Variants in PDE4D observed in about 807,000 individuals in gnomAD.
PDE4D encodes the protein phosphodiesterase 4D, also known as 3',5'-cyclic-AMP phosphodiesterase 4D.
In PDE4D, 24 loss-of-function variants were observed where a neutral mutation model predicts 87.4. The ratio of observed to expected loss-of-function variants is 0.27; its 90% CI spans 0.20 to 0.39. The LOEUF (loss-of-function observed/expected upper bound fraction) is 0.39. Ranked by LOEUF, PDE4D falls within the 10% of genes least tolerant of loss-of-function variation. The pLI, the probability that PDE4D is intolerant of heterozygous loss-of-function variation, is 1.00. For synonymous variants in PDE4D, 384 were observed against 383.2 expected (o/e 1.00, Z -0.02); for missense variants, 714 against 1,041.0 (o/e 0.69, Z 4.32).
chr5:59,234,524 A>G (rs1311191098), intron 1 of PDE4D, among the ~76,000 whole-genome samples: 1 of 152,194 alleles, frequency 6.6e-6, no homozygotes, highest in African/African-American at 2.4e-5. Flanking sequence ...TCCTAGTAGC[A>G]ATTGTAATTC....
At chr5:60,080,640 T>C (rs1685851755) in intron 2 of PDE4D, among the ~76,000 whole-genome samples, 1 of 152,234 alleles carries the variant, frequency 6.6e-6, no homozygotes, top group African/African-American at 2.4e-5. Context: ...GAGATAATCA[T>C]GTGGTTCTTG....
chr5:60,192,109 AT>A (rs1489687800), intron 1 of PDE4D, among the ~76,000 whole-genome samples: 3 of 152,206 alleles, frequency 2.0e-5, no homozygotes, highest in Non-Finnish European at 4.4e-5. Flanking sequence ...TATGTTAAAA[AT>A]TAGAGGTATA....
chr5:59,518,583 T>C (rs1052241452), intron 1 of PDE4D, among the ~76,000 whole-genome samples: 13 of 152,052 alleles, frequency 8.5e-5, no homozygotes, highest in African/African-American at 2.9e-4. Flanking sequence ...GTTCAACCCA[T>C]GATAGTGTAC....
At chr5:59,015,480 T>A (rs1301521918) in intron 6 of PDE4D, among the ~76,000 whole-genome samples, 1 of 152,018 alleles carries the variant, frequency 6.6e-6, no homozygotes, top group Non-Finnish European at 1.5e-5. Context: ...AACAGACACT[T>A]CTCAAAAGAA....
chr5:60,384,342 G>A (rs1399220188), intron 1 of PDE4D, among the ~76,000 whole-genome samples: 1 of 152,160 alleles, frequency 6.6e-6, no homozygotes, highest in Non-Finnish European at 1.5e-5. Flanking sequence ...CCTGTCCTAG[G>A]CAATTATTGG....
chr5:59,590,968 A>T (rs1825845003), intron 1 of PDE4D, among the ~76,000 whole-genome samples: 1 of 152,162 alleles, frequency 6.6e-6, no homozygotes, highest in Non-Finnish European at 1.5e-5. Flanking sequence ...TTATGCTCAT[A>T]AGAGTGAAGG....
intron 5 of PDE4D, among the ~76,000 whole-genome samples, chr5:59,081,223 GA>G (rs1208065513): frequency 6.6e-6 from 1 of 151,992 alleles, no homozygotes; most frequent in Non-Finnish European, 1.5e-5. Flanking sequence ...GATAGTGTGG[GA>G]GCCAAATAAT....
chr5:59,551,224 T>C (rs1818060159), intron 1 of PDE4D, among the ~76,000 whole-genome samples: 1 of 151,392 alleles, frequency 6.6e-6, no homozygotes, highest in South Asian at 2.1e-4. Context: ...ATACTCATTT[T>C]TATTTTATTT....
intron 5 of PDE4D, among the ~76,000 whole-genome samples, chr5:59,062,704 T>TG (rs930580614): frequency 4.7e-5 from 1 of 21,088 alleles, no homozygotes; most frequent in African/African-American, 1.0e-4. Flanking sequence ...ATGCATGTGG[T>TG]TTTTTTTTTT....
chr5:59,223,258 G>A (rs368995471), intron 1 of PDE4D, among the ~76,000 whole-genome samples: 1 of 152,196 alleles, frequency 6.6e-6, no homozygotes, highest in African/African-American at 2.4e-5. Flanking sequence ...CTACCAGGAA[G>A]TGTGGAAGGC....
intron 3 of PDE4D, among the ~76,000 whole-genome samples, chr5:59,928,526 C>G (rs1197771460): frequency 2.6e-5 from 4 of 151,772 alleles, no homozygotes; most frequent in Non-Finnish European, 5.9e-5. Flanking sequence ...CGCAGTGAGC[C>G]GAGATTGTGC....
In PDE4D at chr5:60,195,932, A is replaced by G. The variant is rs188854076; in HGVS notation, c.-89-10245T>C. On this transcript the variant is annotated intron_variant, in intron 1 of 16. Transcript: ENST00000502484. ...AAAGTAGACATTGACGGTTCTTTTC[A>G]TCTCCTTTGTGCATCTAGTCAGAAC... Among the ~76,000 whole-genome samples the G allele has an allele frequency of 9.5e-4, 144 of 151,864 alleles. 3 individuals carry two copies. The highest frequency in any genetic ancestry group is 3.4e-3 in the Middle Eastern group (1 of 294).
In PDE4D at chr5:59,457,211, C is replaced by T. The variant is rs566819370; in HGVS notation, c.456-241243G>A. ...ATTGTTGCCTGGTTTTAAGAAATTG[C>T]TACAGCTTCTCTGACCTTCAGCAAC... On this transcript the variant is annotated intron_variant, in intron 1 of 14. Coordinates refer to ENST00000340635, the MANE Select transcript of PDE4D (RefSeq NM_001104631.2). 3.9e-5 allele frequency among the ~76,000 whole-genome samples: 6 copies of T among 152,264 alleles called. No individual in the cohort carries two copies. In the East Asian group the frequency reaches 1.2e-3, roughly 29 times the overall value.
intron 1 of PDE4D, among the ~76,000 whole-genome samples, chr5:60,395,032 C>T (rs1358514687): frequency 6.6e-6 from 1 of 152,168 alleles, no homozygotes; most frequent in African/African-American, 2.4e-5. Flanking sequence ...CCTAAAGTGA[C>T]CCACCCGAGC....
chr5:60,304,455 T>C (rs894180350), intron 1 of PDE4D, among the ~76,000 whole-genome samples: 4 of 150,498 alleles, frequency 2.7e-5, no homozygotes, highest in African/African-American at 9.8e-5. Context: ...ACCATCCTGG[T>C]TAACAAGGTG....
intron 1 of PDE4D, among the ~76,000 whole-genome samples, chr5:59,782,910 G>A (rs541945908): frequency 6.6e-4 from 100 of 152,180 alleles, no homozygotes; most frequent in Non-Finnish European, 1.3e-3. Flanking sequence ...TTTTTGCTCT[G>A]TGGGTTTATA....
chr5:59,305,107 CTGATT>C (rs984443591), intron 1 of PDE4D, among the ~76,000 whole-genome samples: 1 of 151,998 alleles, frequency 6.6e-6, no homozygotes, highest in African/African-American at 2.4e-5. Flanking sequence ...CTAATTCTTC[CTGATT>C]TAAGCTAGGA....
intron 2 of PDE4D, among the ~76,000 whole-genome samples, chr5:60,154,901 A>G (rs1781828673): frequency 6.6e-6 from 1 of 152,216 alleles, no homozygotes; most frequent in South Asian, 2.1e-4. Flanking sequence ...TGTAGTTGCA[A>G]CTACATGCTA....
At chr5:59,594,014 G>A (rs1212089577) in intron 1 of PDE4D, among the ~76,000 whole-genome samples, 1 of 151,908 alleles carries the variant, frequency 6.6e-6, no homozygotes, top group Admixed American at 6.6e-5. Context: ...GTTCCATTTT[G>A]TTTTGTTATA....
Sources: allele counts gnomAD v4.1 joint callset (sites outside exome capture counted in the v4.1 genomes callset), GRCh38; gene constraint gnomAD v4.1.1; transcripts MANE v1.5; gene names NCBI Gene and HGNC (gene_info 2026-07-23, HGNC 2026-07-21).